ZNF385B: variants seen among roughly 807,000 people sequenced by gnomAD.
ZNF385B encodes the protein zinc finger protein 533.
Under a neutral mutation model 39.2 loss-of-function variants are expected in ZNF385B, and 23 were observed. The ratio of observed to expected loss-of-function variants is 0.59; its 90% CI spans 0.42 to 0.83. ZNF385B has a LOEUF of 0.83. Among genes scored for constraint, ZNF385B ranks in the 40% least tolerant of loss-of-function variants. The probability of loss-of-function intolerance (pLI) is 0.00; values close to 1 mark genes in which losing one functional copy is unlikely to be tolerated. For synonymous variants in ZNF385B, 205 were observed against 222.6 expected (o/e 0.92, Z 0.70); for missense variants, 552 against 598.9 (o/e 0.92, Z 0.82).
At chr2:179,608,175 A>G (rs763245274) in intron 3 of ZNF385B, among the ~76,000 whole-genome samples, 30 of 152,074 alleles carry the variant, frequency 2.0e-4, no homozygotes, top group Non-Finnish European at 3.1e-4. Context: ...CAGCCTCCCA[A>G]AATGCTGGGA....
At chr2:179,538,829 A>G (rs959654408) in intron 4 of ZNF385B, among the ~76,000 whole-genome samples, 1 of 152,230 alleles carries the variant, frequency 6.6e-6, no homozygotes, top group Non-Finnish European at 1.5e-5. Flanking sequence ...GCTTTCCTAG[A>G]GCAGTTGTAA....
chr2:179,601,200 G>T (rs1283579393), intron 3 of ZNF385B, among the ~76,000 whole-genome samples: 1 of 152,178 alleles, frequency 6.6e-6, no homozygotes, highest in African/African-American at 2.4e-5. Flanking sequence ...TCTAAAAGCT[G>T]CATTTAGGTT....
chr2:179,594,167 C>T (rs1687805007), intron 3 of ZNF385B, among the ~76,000 whole-genome samples: 1 of 152,144 alleles, frequency 6.6e-6, no homozygotes, highest in Non-Finnish European at 1.5e-5. Context: ...TTCCTTTTAG[C>T]TCTTAGCCTA....
At chr2:179,758,078 C>T (rs1478695713) in intron 3 of ZNF385B, among the ~76,000 whole-genome samples, 1 of 152,140 alleles carries the variant, frequency 6.6e-6, no homozygotes, top group African/African-American at 2.4e-5. Flanking sequence ...TAGAGTGGAG[C>T]TGTTCCTATT....
intron 3 of ZNF385B, among the ~76,000 whole-genome samples, chr2:179,688,253 C>T (rs1309071152): frequency 6.6e-6 from 1 of 152,078 alleles, no homozygotes; most frequent in Non-Finnish European, 1.5e-5. Context: ...GGGATGTACA[C>T]AGAAGTTTAG....
At chr2:179,819,608 A>T (rs1248025460) in intron 1 of ZNF385B, among the ~76,000 whole-genome samples, 1 of 152,184 alleles carries the variant, frequency 6.6e-6, no homozygotes, top group African/African-American at 2.4e-5. Context: ...TTCCCCTTGG[A>T]AAGATGGGCA....
At chr2:179,463,822 C>T (rs1272245283) in intron 6 of ZNF385B, among the ~76,000 whole-genome samples, 19 of 152,094 alleles carry the variant, frequency 1.2e-4, no homozygotes, top group African/African-American at 2.2e-4. Context: ...TACGTGTGCA[C>T]GTGTCTTTAT....
chr2:179,824,211 A>T (rs1274735683), intron 1 of ZNF385B, among the ~76,000 whole-genome samples: 2 of 152,062 alleles, frequency 1.3e-5, no homozygotes, highest in Non-Finnish European at 2.9e-5. Flanking sequence ...GGTCCATGTG[A>T]CCATCACTAA....
chr2:179,842,725 G>A (rs1708600214), intron 1 of ZNF385B, among the ~76,000 whole-genome samples: 1 of 152,092 alleles, frequency 6.6e-6, no homozygotes, highest in African/African-American at 2.4e-5. Context: ...CAAAGCCCCT[G>A]TGATCCAGAT....
intron 1 of ZNF385B, among the ~76,000 whole-genome samples, chr2:179,824,840 C>T (rs1300752826): frequency 1.3e-5 from 2 of 151,164 alleles, no homozygotes; most frequent in African/African-American, 2.4e-5. Context: ...TGAGGAGATG[C>T]CTGGTTTATG....
chr2:179,581,998 T>G (rs1017671458), intron 3 of ZNF385B, among the ~76,000 whole-genome samples: 4 of 152,204 alleles, frequency 2.6e-5, no homozygotes, highest in African/African-American at 9.7e-5. Context: ...TATAGTAAAC[T>G]ATCCTGTATT....
At chr2:179,493,662 T>C (rs557112942) in intron 5 of ZNF385B, among the ~76,000 whole-genome samples, 159 of 123,288 alleles carry the variant, frequency 1.3e-3, no homozygotes, top group African/African-American at 4.3e-3. Context: ...TACATATATG[T>C]ATATGCATAT....
At chr2:179,791,305 T>A (rs889002125) in intron 1 of ZNF385B, among the ~76,000 whole-genome samples, 3 of 152,224 alleles carry the variant, frequency 2.0e-5, no homozygotes, top group East Asian at 3.8e-4. Context: ...CTCTACCTAA[T>A]ACAGTCTTTT....
chr2:179,751,619 T>C (rs537133861), intron 3 of ZNF385B, among the ~76,000 whole-genome samples: 2 of 133,986 alleles, frequency 1.5e-5, no homozygotes, highest in South Asian at 2.9e-4. Context: ...GTTTCTTGAA[T>C]GTAGAATAGG....
chr2:179,540,979 T>A (rs1559439178), intron 4 of ZNF385B, among the ~76,000 whole-genome samples: 1 of 152,188 alleles, frequency 6.6e-6, no homozygotes, highest in Non-Finnish European at 1.5e-5. Flanking sequence ...GGCTTTGGAA[T>A]ATTAAGATCA....
chr2:179,846,418 C>A (rs1407369893), intron 1 of ZNF385B, among the ~76,000 whole-genome samples: 2 of 152,172 alleles, frequency 1.3e-5, no homozygotes, highest in African/African-American at 4.8e-5. Flanking sequence ...AACGGGGTTG[C>A]CCAGGAGCTA....
intron 3 of ZNF385B, among the ~76,000 whole-genome samples, chr2:179,623,017 C>T (rs767110630): frequency 2.6e-5 from 4 of 152,168 alleles, no homozygotes; most frequent in Non-Finnish European, 4.4e-5. Context: ...TAAGCACCAA[C>T]AAAAGAATAA....
At chr2:179,721,302 T>C (rs576910589) in intron 3 of ZNF385B, among the ~76,000 whole-genome samples, 7 of 152,076 alleles carry the variant, frequency 4.6e-5, no homozygotes, top group Non-Finnish European at 1.0e-4. Context: ...ATGAAAACAT[T>C]CTGAGGAAAA....
At chr2:179,518,083 C>T (rs1194437206) in intron 5 of ZNF385B, among the ~76,000 whole-genome samples, 1 of 151,804 alleles carries the variant, frequency 6.6e-6, no homozygotes, top group Non-Finnish European at 1.5e-5. Flanking sequence ...AAACTTTTTT[C>T]ATATTTTCTG....
Sources: allele counts gnomAD v4.1 joint callset (sites outside exome capture counted in the v4.1 genomes callset), GRCh38; gene constraint gnomAD v4.1.1; transcripts MANE v1.5; gene names NCBI Gene and HGNC (gene_info 2026-07-23, HGNC 2026-07-21).